Variants in RMND5A observed in about 807,000 individuals in gnomAD.
RMND5A encodes the protein required for meiotic nuclear division 5 homolog A.
A neutral mutation model predicts 49.7 loss-of-function variants in RMND5A; 17 were observed. The observed-to-expected ratio is 0.34, with a 90% CI of 0.23 to 0.51. The LOEUF is 0.51. Among genes scored for constraint, RMND5A ranks in the 20% least tolerant of loss-of-function variants. The pLI, the probability that RMND5A is intolerant of heterozygous loss-of-function variation, is 0.96. For synonymous variants in RMND5A, 156 were observed against 167.7 expected (o/e 0.93, Z 0.54); for missense variants, 255 against 471.3 (o/e 0.54, Z 4.25).
Position 86,753,538 on chromosome 2 carries a change from A to T in RMND5A, c.501A>T (p.Arg167Ser). The change falls in exon 4 of 9, where the codon AGA becomes AGT. Residue 167 changes from arginine (R) to serine (S), a missense_variant. Coordinates refer to ENST00000283632, the MANE Select transcript of RMND5A (RefSeq NM_022780.4). ...LNRILEALKV[R>S]VLRPALEWAV... ...GAATATTAGAGGCATTAAAGGTCAGAGTTCTGAGACCTGCTCTGGAGTGAG... is the reference window on the plus strand; with the variant it reads ...GAATATTAGAGGCATTAAAGGTCAGTGTTCTGAGACCTGCTCTGGAGTGAG... 1 of 1,603,812 alleles carries T rather than the reference A, an allele frequency of 6.2e-7. No homozygotes were observed. The highest frequency in any genetic ancestry group is 8.5e-7 in the Non-Finnish European group (1 of 1,171,066).
chr2:86,732,130 G>A (rs1252327452), intron 1 of RMND5A, among the ~76,000 whole-genome samples: 4 of 102,550 alleles, frequency 3.9e-5, no homozygotes, highest in Admixed American at 1.1e-4. Flanking sequence ...TGTTTGACTC[G>A]TGGGCAGCAT....
intron 1 of RMND5A, among the ~76,000 whole-genome samples, chr2:86,721,275 C>G (rs997518804): frequency 1.3e-5 from 2 of 151,858 alleles, no homozygotes; most frequent in African/African-American, 4.9e-5. Context: ...TGTGCCGCCC[C>G]GAATCCTTGG....
chr2:86,771,345 C>A, intron 7 of RMND5A: 1 of 456,902 alleles, frequency 2.2e-6, no homozygotes, highest in Non-Finnish European at 3.9e-6. Context: ...CTTGTTTTTA[C>A]ACTTTGTCAG....
intron 7 of RMND5A, among the ~76,000 whole-genome samples, chr2:86,770,457 C>G (rs549244794): frequency 6.6e-6 from 1 of 152,240 alleles, no homozygotes; most frequent in Admixed American, 6.5e-5. Context: ...CTAATATAAA[C>G]GCAAATTTAA....
At chr2:86,765,776 A>G in intron 5 of RMND5A, 83 bp from the exon 6 acceptor site, 1 of 1,187,170 alleles carries the variant, frequency 8.4e-7, no homozygotes, top group Middle Eastern at 2.0e-4. Flanking sequence ...TTTAGGCTGT[A>G]TCAGTATGGG....
chr2:86,750,745 A>G lies in RMND5A; in HGVS notation c.286-1151A>G, dbSNP rs183153067. Among the ~76,000 whole-genome samples, 123 of 145,814 alleles carry G rather than the reference A, an allele frequency of 8.4e-4. 1 individual carries two copies. The highest frequency in any genetic ancestry group is 7.0e-3 in the Middle Eastern group (2 of 284). On this transcript the variant is annotated intron_variant, in intron 2 of 8. Transcript: ENST00000283632. ...TGACACACACGTTAGAGCTTTTGTA[A>G]TTTTCCCACAGGTCCCTGAGGCTCT...
In RMND5A at chr2:86,775,804, G is replaced by A. The variant is rs1672759112; in HGVS notation, c.*2393G>A. The A allele has an allele frequency of 6.6e-6, 1 of 152,052 alleles. No individual in the cohort carries two copies. Among genetic ancestry groups the A allele is most frequent in the African/African-American group, 2.4e-5 (1 of 41,394 alleles). 9.4% of individuals were successfully genotyped at this position (152,052 alleles called of 1,614,324 possible). A position where few individuals can be genotyped will look rare whatever the true frequency, so the allele number is the denominator to read the frequency against. On this transcript the variant is annotated 3_prime_UTR_variant, in exon 9 of 9. Transcript: ENST00000283632. ...CATGAGAGACTAAATGTGAGGGAGA[G>A]GTGGATTTAAAGAGGCCAGACCTTA...
chr2:86,771,076 C>A (rs1672678544), intron 7 of RMND5A, among the ~76,000 whole-genome samples: 2 of 152,220 alleles, frequency 1.3e-5, no homozygotes, highest in South Asian at 4.1e-4. Context: ...ATTAAAGGCA[C>A]AGGTGCAGTC....
intron 6 of RMND5A, among the ~76,000 whole-genome samples, chr2:86,766,675 A>G (rs898687073): frequency 1.2e-4 from 18 of 151,184 alleles, no homozygotes; most frequent in Admixed American, 5.9e-4. Flanking sequence ...AAAAAAAAAA[A>G]AAAAAAAGAA....
intron 6 of RMND5A, among the ~76,000 whole-genome samples, chr2:86,767,538 C>T (rs953611451): frequency 3.3e-5 from 5 of 151,630 alleles, no homozygotes; most frequent in African/African-American, 1.2e-4. Context: ...GCCTCAGGCT[C>T]CTGAGTAGCT....
At chr2:86,764,879 A>T in intron 4 of RMND5A, 148 bp from the exon 5 acceptor site, 1 of 631,322 alleles carries the variant, frequency 1.6e-6, no homozygotes, top group Non-Finnish European at 2.6e-6. Flanking sequence ...TTTCCTGACA[A>T]AGGTCTGGGC....
chr2:86,736,263 A>G (rs1681399864), intron 1 of RMND5A, among the ~76,000 whole-genome samples: 1 of 90,058 alleles, frequency 1.1e-5, no homozygotes, highest in African/African-American at 3.5e-5. Context: ...AGTTCACTGC[A>G]GCCTCTACCT....
rs1681541494 is a variant in RMND5A, at chr2:86,746,582, C to T, written c.286-5314C>T. On this transcript the variant is annotated intron_variant, in intron 2 of 8. Coordinates refer to ENST00000283632, the MANE Select transcript of RMND5A (RefSeq NM_022780.4). ...TGAAGTCACAGAGTTGGGATTAAAA[C>T]CCAGATTTTAAGACTTGGAGGAACC... is the stretch of plus-strand genomic sequence containing the variant. Among the ~76,000 whole-genome samples, 2 of 152,220 alleles carry T rather than the reference C, an allele frequency of 1.3e-5. 1 individual carries two copies. The highest frequency in any genetic ancestry group is 4.1e-4 in the South Asian group (2 of 4,836).
At chr2:86,761,242 CAG>C (rs1285212633) in intron 4 of RMND5A, among the ~76,000 whole-genome samples, 2 of 152,130 alleles carry the variant, frequency 1.3e-5, no homozygotes, top group Non-Finnish European at 2.9e-5. Context: ...ATGATCATCA[CAG>C]AAGGCAACTC....
chr2:86,750,900 T>C (rs187777576), intron 2 of RMND5A, among the ~76,000 whole-genome samples: 1 of 152,250 alleles, frequency 6.6e-6, no homozygotes, highest in Non-Finnish European at 1.5e-5. Context: ...TTGGTTACTC[T>C]ATCAGCTTTT....
intron 4 of RMND5A, among the ~76,000 whole-genome samples, chr2:86,760,598 A>G (rs1370732993): frequency 1.3e-5 from 2 of 152,186 alleles, no homozygotes; most frequent in Non-Finnish European, 2.9e-5. Context: ...ATCACTGCAC[A>G]TCTACTGTCA....
intron 4 of RMND5A, among the ~76,000 whole-genome samples, chr2:86,757,567 A>G (rs1260809054): frequency 6.6e-6 from 1 of 152,188 alleles, no homozygotes; most frequent in South Asian, 2.1e-4. Context: ...GTAACTTAAT[A>G]CAACGAGGTG....
chr2:86,776,490 G>C lies in RMND5A; in HGVS notation c.*3079G>C, dbSNP rs942522902. On this transcript the variant is annotated 3_prime_UTR_variant, in exon 9 of 9. Transcript: ENST00000283632. ...ACATTTTGTGGGAAATGAGGATCCT[G>C]ATCCTCTTTTGTCCTCTCCAGGTAG... The C allele has an allele frequency of 6.6e-6, 1 of 152,190 alleles. No homozygotes were observed. 9.4% of individuals were successfully genotyped at this position (152,190 alleles called of 1,614,324 possible). A position where few individuals can be genotyped will look rare whatever the true frequency, so the allele number is the denominator to read the frequency against.
chr2:86,745,574 A>G (rs1284360449), intron 2 of RMND5A, among the ~76,000 whole-genome samples: 1 of 152,232 alleles, frequency 6.6e-6, no homozygotes, highest in Non-Finnish European at 1.5e-5. Flanking sequence ...AGGGAAAGGT[A>G]AATGATGGAA....
Sources: allele counts gnomAD v4.1 joint callset (sites outside exome capture counted in the v4.1 genomes callset), GRCh38; gene constraint gnomAD v4.1.1; transcripts MANE v1.5; gene names NCBI Gene and HGNC (gene_info 2026-07-23, HGNC 2026-07-21).